Variants in VSNL1 observed in about 807,000 individuals in gnomAD.
VSNL1 encodes visinin like 1, also known as visinin-like protein 1.
In VSNL1, 6 loss-of-function variants were observed where a neutral mutation model predicts 20.4. The observed-to-expected ratio is 0.29, with a 90% CI of 0.16 to 0.58. The LOEUF (loss-of-function observed/expected upper bound fraction) is 0.58. Among genes scored for constraint, VSNL1 ranks in the 20% least tolerant of loss-of-function variants. The pLI is 0.90. For missense variants in VSNL1, 100 were observed against 234.5 expected (o/e 0.43, Z 3.75); for synonymous variants, 93 against 86.4 (o/e 1.08, Z -0.42).
At chr2:17,586,720 G>C (rs755240240) in intron 1 of VSNL1, among the ~76,000 whole-genome samples, 2 of 152,204 alleles carry the variant, frequency 1.3e-5, no homozygotes, top group African/African-American at 4.8e-5. Context: ...ATTCCGTCAA[G>C]TTAATTATGC....
At position 17,646,924 on chromosome 2, in the gene VSNL1, A is replaced by C. The variant is rs1666011438; in HGVS notation, c.163-2486A>C. ...AGAGTTGAATTATTTTGTCAAAATA[A>C]GGAGCATGTCCCTAGTTAGAAAAAC... On this transcript the variant is annotated intron_variant, in intron 2 of 3. Transcript: ENST00000295156. Among the ~76,000 whole-genome samples the C allele has an allele frequency of 2.6e-5, 4 of 152,342 alleles. 1 individual carries two copies. In the South Asian group the frequency reaches 8.3e-4, roughly 32 times the overall value.
chr2:17,550,800 C>G (rs900601955), intron 1 of VSNL1, among the ~76,000 whole-genome samples: 1 of 152,182 alleles, frequency 6.6e-6, no homozygotes, highest in African/African-American at 2.4e-5. Flanking sequence ...AAGAGCTGTT[C>G]TGATTATGAA....
At chr2:17,590,235 G>A (rs1322891084) in intron 1 of VSNL1, among the ~76,000 whole-genome samples, 1 of 152,150 alleles carries the variant, frequency 6.6e-6, no homozygotes, top group African/African-American at 2.4e-5. Flanking sequence ...GTTTAAGAAT[G>A]AAGGTTTGTA....
chr2:17,617,944 G>A (rs544841613), intron 2 of VSNL1, among the ~76,000 whole-genome samples: 17 of 151,994 alleles, frequency 1.1e-4, no homozygotes, highest in African/African-American at 4.1e-4. Context: ...CCTTTCTCCA[G>A]GGAAGAATAG....
intron 2 of VSNL1, among the ~76,000 whole-genome samples, chr2:17,614,233 A>T (rs952947689): frequency 6.6e-6 from 1 of 152,214 alleles, no homozygotes; most frequent in African/African-American, 2.4e-5. Flanking sequence ...GGCAACGTAG[A>T]CCTGGCAGCT....
chr2:17,547,187 G>A (rs146484001), intron 1 of VSNL1, among the ~76,000 whole-genome samples: 1,981 of 152,046 alleles, frequency 0.013, 22 homozygotes, highest in Middle Eastern at 0.051. Flanking sequence ...TAGTTTATTA[G>A]TTCTGTGACC....
intron 1 of VSNL1, among the ~76,000 whole-genome samples, chr2:17,578,085 G>A (rs1030175420): frequency 1.3e-5 from 2 of 152,076 alleles, no homozygotes; most frequent in East Asian, 3.9e-4. Context: ...TAAAATATCG[G>A]TCATATAGAT....
chr2:17,653,933 G>A (rs1666172367), intron 3 of VSNL1, among the ~76,000 whole-genome samples: 1 of 152,204 alleles, frequency 6.6e-6, no homozygotes. Flanking sequence ...TGTCTCCATG[G>A]ATTTGGCTCC....
intron 2 of VSNL1, among the ~76,000 whole-genome samples, chr2:17,602,771 A>G (rs375568124): frequency 2.2e-5 from 2 of 90,386 alleles, no homozygotes; most frequent in Non-Finnish European, 3.4e-5. Flanking sequence ...AATAAAATAA[A>G]AAAATAAAAT....
chr2:17,575,593 T>C (rs1664191339), intron 1 of VSNL1, among the ~76,000 whole-genome samples: 1 of 152,086 alleles, frequency 6.6e-6, no homozygotes, highest in Non-Finnish European at 1.5e-5. Flanking sequence ...TGGAGTGCAG[T>C]GGCATGATTT....
At position 17,598,884 on chromosome 2, in the gene VSNL1, A is replaced by G. The variant is rs535535415; in HGVS notation, c.162+6648A>G. 6.6e-5 allele frequency among the ~76,000 whole-genome samples: 10 copies of G among 152,368 alleles called. No homozygotes were observed. The South Asian group carries it at 2.1e-3, about 32-fold the overall frequency. On this transcript the variant is annotated intron_variant, in intron 2 of 3. Transcript: ENST00000295156. Reference sequence around the variant, plus strand: ...TCACTGGCATAAGAATACAAATAAAAGCTTCCAGGCTTTGTTTTGTTAAAT... The same window carrying G: ...TCACTGGCATAAGAATACAAATAAAGGCTTCCAGGCTTTGTTTTGTTAAAT...
chr2:17,578,647 G>A (rs966450223), intron 1 of VSNL1, among the ~76,000 whole-genome samples: 3 of 152,242 alleles, frequency 2.0e-5, no homozygotes, highest in African/African-American at 7.2e-5. Context: ...TGGGAGGGAG[G>A]CAGGTGGAGG....
chr2:17,602,042 C>T (rs1241204654), intron 2 of VSNL1, among the ~76,000 whole-genome samples: 2 of 152,332 alleles, frequency 1.3e-5, no homozygotes, highest in East Asian at 1.9e-4. Flanking sequence ...AGCTGTTTTA[C>T]GTTAGTGGAC....
intron 2 of VSNL1, among the ~76,000 whole-genome samples, chr2:17,616,259 C>T (rs1376849163): frequency 6.6e-6 from 1 of 152,250 alleles, no homozygotes; most frequent in African/African-American, 2.4e-5. Flanking sequence ...AGGAACAAGG[C>T]ACTCACATAC....
intron 2 of VSNL1, among the ~76,000 whole-genome samples, chr2:17,602,927 A>G (rs62132137): frequency 0.054 from 8,217 of 152,280 alleles, 258 homozygotes; most frequent in East Asian, 0.091. Flanking sequence ...AATTTGAGTC[A>G]GACTCTTACC....
chr2:17,619,665 A>C (rs979985693), intron 2 of VSNL1, among the ~76,000 whole-genome samples: 1 of 152,102 alleles, frequency 6.6e-6, no homozygotes, highest in Non-Finnish European at 1.5e-5. Context: ...CACAAACAGT[A>C]TTAGAACTCA....
intron 1 of VSNL1, among the ~76,000 whole-genome samples, chr2:17,555,332 C>A (rs1237791513): frequency 1.3e-5 from 2 of 152,068 alleles, no homozygotes; most frequent in Non-Finnish European, 2.9e-5. Flanking sequence ...GCCCAAAAGT[C>A]CATTATTTTT....
chr2:17,654,195 TTTA>T (rs1666177883), intron 3 of VSNL1, among the ~76,000 whole-genome samples: 1 of 152,244 alleles, frequency 6.6e-6, no homozygotes, highest in African/African-American at 2.4e-5. Flanking sequence ...TAGATGGGCA[TTTA>T]TTTTTAAAGC....
At chr2:17,588,835 A>G (rs114592580) in intron 1 of VSNL1, among the ~76,000 whole-genome samples, 2,273 of 152,282 alleles carry the variant, frequency 0.015, 30 homozygotes, top group Non-Finnish European at 0.025. Flanking sequence ...CCTTATATAT[A>G]GATTATGAGA....
Sources: allele counts gnomAD v4.1 joint callset (sites outside exome capture counted in the v4.1 genomes callset), GRCh38; gene constraint gnomAD v4.1.1; transcripts MANE v1.5; gene names NCBI Gene and HGNC (gene_info 2026-07-23, HGNC 2026-07-21).